LCK: variants seen among roughly 807,000 people sequenced by gnomAD.
The protein encoded by LCK is LCK proto-oncogene, Src family tyrosine kinase.
In LCK, 14 loss-of-function variants were observed where a neutral mutation model predicts 64.6. The observed-to-expected ratio is 0.22, with a 90% CI of 0.14 to 0.34. The LOEUF (loss-of-function observed/expected upper bound fraction) is 0.34. Ranked by LOEUF, LCK falls within the 10% of genes least tolerant of loss-of-function variation. LCK has a pLI of 1.00. For synonymous variants in LCK, 277 were observed against 263.6 expected (o/e 1.05, Z -0.49); for missense variants, 434 against 668.1 (o/e 0.65, Z 3.86).
chr1:32,280,529 C>A (rs1294855046), intron 12 of LCK, among the ~76,000 whole-genome samples: 1 of 122,458 alleles, frequency 8.2e-6, no homozygotes, highest in Non-Finnish European at 1.6e-5. Context: ...CATCTTGGAT[C>A]ACTGCAACCT....
At chr1:32,274,126 T>C (rs1640183190) in intron 1 of LCK, 199 bp from the exon 2 acceptor site, 7 of 1,195,704 alleles carry the variant, frequency 5.9e-6, no homozygotes, top group South Asian at 1.6e-5. Context: ...AATTTACTTG[T>C]AGCCTGAGGG....
Position 32,275,513 on chromosome 1 carries a change from C to A in LCK, c.378-56C>A. On this transcript the variant is annotated intron_variant, in intron 5 of 12. Transcript: ENST00000336890. This position sits in a 1 kb window ranked among gnomAD's most constrained non-coding sequence, Gnocchi z 6.9. Reference sequence around the variant, plus strand: ...GGGGTGGCGGTGAAGGCTTGAGGGCCACGGAGGAAGATCCGACGACAGCCG... The same window carrying A: ...GGGGTGGCGGTGAAGGCTTGAGGGCAACGGAGGAAGATCCGACGACAGCCG... 1 of 1,553,290 alleles carries A rather than the reference C, an allele frequency of 6.4e-7. No individual in the cohort carries two copies. Among genetic ancestry groups the A allele is most frequent in the Non-Finnish European group, 8.8e-7 (1 of 1,140,196 alleles).
intron 1 of LCK, among the ~76,000 whole-genome samples, chr1:32,270,464 G>A (rs1444772479): frequency 1.3e-5 from 2 of 150,994 alleles, no homozygotes; most frequent in African/African-American, 4.9e-5. Flanking sequence ...GCTTGATCTC[G>A]GCTCACTGCA....
intron 1 of LCK, among the ~76,000 whole-genome samples, chr1:32,272,579 G>GAGAGAGAA: frequency 7.0e-6 from 1 of 142,614 alleles, no homozygotes; most frequent in Admixed American, 7.0e-5. Flanking sequence ...TCTCAAGAGA[G>GAGAGAGAA]AGAGAGAAAG....
chr1:32,266,021 G>A (rs982110066), intron 1 of LCK, among the ~76,000 whole-genome samples: 1 of 152,140 alleles, frequency 6.6e-6, no homozygotes, highest in East Asian at 1.9e-4. Context: ...GTGCAGTGGC[G>A]TGTTCACGGC....
Position 32,276,536 on chromosome 1 carries a change from G to T in LCK, c.784+47G>T. ...GCCTGGGAAGAGGGGAACGGGAGGG[G>T]CCGCTGAGGTGATGAGAGTCCCAGG... On this transcript the variant is annotated intron_variant, in intron 8 of 12. Transcript: ENST00000336890. This position sits in a 1 kb window ranked among gnomAD's most constrained non-coding sequence, Gnocchi z 4.6. 6.3e-7 allele frequency: 1 copy of T among 1,586,674 alleles called. No homozygotes were observed. The highest frequency in any genetic ancestry group is 1.3e-5 in the African/African-American group (1 of 74,572).
rs547661693 is a variant in LCK, at chr1:32,285,250, G to A, written c.1328-264G>A. Among the ~76,000 whole-genome samples the A allele has an allele frequency of 4.5e-3, 669 of 149,484 alleles. 8 individuals are homozygous for A. Among genetic ancestry groups the A allele is most frequent in the African/African-American group, 0.016 (648 of 40,504 alleles). ...TGGGAGGTGGAGGTTGCGGTGAGCC[G>A]AGATCGCACCATTGCACTCCAGCCT... is the stretch of plus-strand genomic sequence containing the variant. On this transcript the variant is annotated intron_variant, in intron 12 of 12. Coordinates refer to ENST00000336890, the MANE Select transcript of LCK (RefSeq NM_005356.5).
chr1:32,284,249 G>C (rs1296549000), intron 12 of LCK, among the ~76,000 whole-genome samples: 1 of 146,938 alleles, frequency 6.8e-6, no homozygotes, highest in Non-Finnish European at 1.5e-5. Flanking sequence ...GATGCTTTCT[G>C]TGATATATAT....
chr1:32,279,896 G>A lies in LCK; in HGVS notation c.1097G>A (p.Arg366Gln), dbSNP rs753549329. 3.1e-6 allele frequency: 5 copies of A among 1,614,024 alleles called. No individual in the cohort carries two copies. The highest frequency in any genetic ancestry group is 4.2e-6 in the Non-Finnish European group (5 of 1,180,040). The change falls in exon 11 of 13, where the codon CGG (arginine) becomes CAG (glutamine). Residue 366 changes from arginine (R) to glutamine (Q), a missense_variant. Around this residue, in one of 2 missense-constraint regions of LCK, gnomAD observed 201 missense variants for 376.9 expected, o/e 0.53. Coordinates refer to ENST00000336890, the MANE Select transcript of LCK (RefSeq NM_005356.5). ...CGGAATTATATTCATCGTGACCTTCGGGCTGCCAACATTCTGGTGTCTGAC... is the reference window on the plus strand; with the variant it reads ...CGGAATTATATTCATCGTGACCTTCAGGCTGCCAACATTCTGGTGTCTGAC... The part of the protein sequence containing the change: ...EERNYIHRDL[R>Q]AANILVSDTL...
At position 32,276,150 on chromosome 1, in the gene LCK, C is replaced by T; in HGVS notation, c.631+87C>T. On this transcript the variant is annotated intron_variant, in intron 7 of 12. Coordinates refer to ENST00000336890, the MANE Select transcript of LCK (RefSeq NM_005356.5). The surrounding 1 kb of genome is among the most constrained non-coding windows in gnomAD (Gnocchi z 4.6). The stretch of plus-strand genomic sequence containing the variant: ...GGTGTCCCCCATCCATCTTTCAATG[C>T]CCTACTCCATTCCCCGCAGTGGGTG... 2.0e-6 allele frequency: 3 copies of T among 1,524,858 alleles called. No homozygotes were observed. Among genetic ancestry groups the T allele is most frequent in the South Asian group, 1.2e-5 (1 of 85,894 alleles). The allele number at this position is 1,524,858 out of a possible 1,614,324, so 94.5% of individuals were successfully genotyped here.
chr1:32,268,059 C>T (rs1380737331), intron 1 of LCK, among the ~76,000 whole-genome samples: 7 of 149,106 alleles, frequency 4.7e-5, no homozygotes, highest in East Asian at 2.0e-4. Context: ...CCAGGTGTGG[C>T]GGCACGCGCC....
chr1:32,281,787 G>A (rs544876999), intron 12 of LCK, among the ~76,000 whole-genome samples: 14 of 152,216 alleles, frequency 9.2e-5, no homozygotes, highest in East Asian at 1.9e-4. Flanking sequence ...TTGGAAGGCC[G>A]GATGCAGTGG....
intron 1 of LCK, among the ~76,000 whole-genome samples, chr1:32,265,015 T>A (rs1386676694): frequency 1.3e-5 from 2 of 152,046 alleles, no homozygotes; most frequent in Non-Finnish European, 2.9e-5. Flanking sequence ...AAGACCAGCT[T>A]GGGCAACATG....
At chr1:32,252,470 C>T (rs1639530675) in intron 1 of LCK, among the ~76,000 whole-genome samples, 1 of 152,190 alleles carries the variant, frequency 6.6e-6, no homozygotes, top group African/African-American at 2.4e-5. Context: ...TGGAGTTTTT[C>T]TTGACACACA....
In LCK at chr1:32,280,013, G is replaced by T. The variant is rs750281466; in HGVS notation, c.1195+19G>T. 1.2e-6 allele frequency: 2 copies of T among 1,614,018 alleles called. No individual in the cohort carries two copies. Among genetic ancestry groups the T allele is most frequent in the East Asian group, 4.5e-5 (2 of 44,884 alleles). ...AGGGAGGGTACGTGTGAGATTTAAGGGTGGTCTGGGCCCTGCAGGGTCTGG... is the reference window on the plus strand; with the variant it reads ...AGGGAGGGTACGTGTGAGATTTAAGTGTGGTCTGGGCCCTGCAGGGTCTGG... On this transcript the variant is annotated intron_variant, in intron 11 of 12. Coordinates refer to ENST00000336890, the MANE Select transcript of LCK (RefSeq NM_005356.5).
intron 1 of LCK, among the ~76,000 whole-genome samples, chr1:32,256,589 A>G (rs917619777): frequency 1.3e-5 from 2 of 151,540 alleles, no homozygotes; most frequent in Non-Finnish European, 2.9e-5. Flanking sequence ...CAAGAGCAAA[A>G]CTCTGTCTTA....
In LCK at chr1:32,275,124, G is replaced by A. The variant is rs1640216886; in HGVS notation, c.278+41G>A. On this transcript the variant is annotated intron_variant, in intron 4 of 12. Transcript: ENST00000336890. This position sits in a 1 kb window ranked among gnomAD's most constrained non-coding sequence, Gnocchi z 6.9. ...CCTTGCTCTGGCGGAGTCCGTGAGG[G>A]AGCGGCGATCTCCGCGACCCGCAGC... is the stretch of plus-strand genomic sequence containing the variant. The A allele has an allele frequency of 6.4e-7, 1 of 1,568,028 alleles. No individual in the cohort carries two copies. The highest frequency in any genetic ancestry group is 1.7e-5 in the Admixed American group (1 of 58,464).
intron 1 of LCK, among the ~76,000 whole-genome samples, chr1:32,272,035 G>A (rs1426621831): frequency 6.6e-6 from 1 of 152,174 alleles, no homozygotes; most frequent in Non-Finnish European, 1.5e-5. Context: ...TGTAATCCGA[G>A]CACTTTGGGA....
intron 1 of LCK, among the ~76,000 whole-genome samples, chr1:32,258,176 A>G (rs1323262216): frequency 6.6e-6 from 1 of 151,836 alleles, no homozygotes; most frequent in African/African-American, 2.4e-5. Flanking sequence ...CCAGCTACTC[A>G]GGAGGCTGAG....
Sources: allele counts gnomAD v4.1 joint callset (sites outside exome capture counted in the v4.1 genomes callset), GRCh38; gene constraint gnomAD v4.1.1; regional missense constraint gnomAD v4.1.1; non-coding constraint Gnocchi (gnomAD v3.1); transcripts MANE v1.5; gene names NCBI Gene and HGNC (gene_info 2026-07-23, HGNC 2026-07-21).